FMNL2: variants seen among roughly 807,000 people sequenced by gnomAD.
FMNL2 encodes formin-like protein 2.
In FMNL2, 51 loss-of-function variants were observed where a neutral mutation model predicts 130.2. The ratio of observed to expected loss-of-function variants is 0.39; its 90% confidence interval spans 0.31 to 0.49. The LOEUF (loss-of-function observed/expected upper bound fraction) is 0.49, where lower values mean the gene tolerates loss of function less well. FMNL2 is among the 20% of genes least tolerant of loss of function. The probability of loss-of-function intolerance (pLI) is 0.85; values close to 1 mark genes in which losing one functional copy is unlikely to be tolerated. For missense variants in FMNL2, 977 were observed against 1,316.2 expected (o/e 0.74, Z 3.99); for synonymous variants, 465 against 467.1 (o/e 1.00, Z 0.06).
At chr2:152,574,291 C>T (rs890672932) in intron 6 of FMNL2, among the ~76,000 whole-genome samples, 10 of 151,580 alleles carry the variant, frequency 6.6e-5, no homozygotes, top group South Asian at 2.1e-4. Context: ...CAAAAATTAG[C>T]GGGGCATGGT....
intron 1 of FMNL2, among the ~76,000 whole-genome samples, chr2:152,383,010 G>A (rs1034441974): frequency 3.3e-5 from 5 of 152,144 alleles, no homozygotes; most frequent in African/African-American, 7.2e-5. Flanking sequence ...CAAACCTACT[G>A]TGCTGCAAAT....
At chr2:152,607,016 T>TG (rs60685654) in intron 9 of FMNL2, among the ~76,000 whole-genome samples, 34,830 of 141,050 alleles carry the variant, frequency 0.25, 3,375 homozygotes, top group East Asian at 0.49. Context: ...GTTTTTTTTT[T>TG]TTTTTTTTAC....
intron 6 of FMNL2, among the ~76,000 whole-genome samples, chr2:152,572,684 AGGGAGCCG>A (rs1454724017): frequency 6.6e-6 from 1 of 152,270 alleles, no homozygotes; most frequent in Non-Finnish European, 1.5e-5. Flanking sequence ...CTGAGGCTGC[AGGGAGCCG>A]TGATCATGGT....
chr2:152,419,623 A>G (rs954299177), intron 1 of FMNL2, among the ~76,000 whole-genome samples: 5 of 152,126 alleles, frequency 3.3e-5, no homozygotes, highest in Non-Finnish European at 5.9e-5. Context: ...TAAAATGACT[A>G]ATTTTAATAG....
intron 1 of FMNL2, among the ~76,000 whole-genome samples, chr2:152,428,596 C>G (rs148700360): frequency 1.3e-5 from 2 of 152,188 alleles, no homozygotes; most frequent in African/African-American, 4.8e-5. Context: ...TTTTTAAGGA[C>G]TCTCTTTTAA....
At chr2:152,629,593 CA>C in intron 18 of FMNL2, 62 bp from the exon 19 acceptor site, 1 of 1,443,514 alleles carries the variant, frequency 6.9e-7, no homozygotes. Flanking sequence ...ATTTACTTGC[CA>C]ATTAGTTTCC....
chr2:152,369,222 C>T (rs1239906377), intron 1 of FMNL2, among the ~76,000 whole-genome samples: 1 of 152,236 alleles, frequency 6.6e-6, no homozygotes, highest in African/African-American at 2.4e-5. Context: ...GCTGTATCAT[C>T]TTGTCACAGC....
chr2:152,633,099 C>CTTT (rs767574977), intron 21 of FMNL2, among the ~76,000 whole-genome samples: 20 of 140,806 alleles, frequency 1.4e-4, no homozygotes, highest in Non-Finnish European at 2.0e-4. Flanking sequence ...CTGTGCTCTT[C>CTTT]TTTTTTTTTT....
At chr2:152,441,268 A>G (rs1688032278) in intron 1 of FMNL2, among the ~76,000 whole-genome samples, 1 of 152,230 alleles carries the variant, frequency 6.6e-6, no homozygotes, top group Admixed American at 6.5e-5. Context: ...TGATACTCAC[A>G]AGCACACCCA....
chr2:152,550,711 A>G (rs1461435152), intron 4 of FMNL2, among the ~76,000 whole-genome samples: 1 of 152,246 alleles, frequency 6.6e-6, no homozygotes, highest in Non-Finnish European at 1.5e-5. Flanking sequence ...TAGACTCAGC[A>G]CATTTAAATA....
chr2:152,564,549 C>G (rs1017138768), intron 6 of FMNL2, among the ~76,000 whole-genome samples: 5 of 152,088 alleles, frequency 3.3e-5, no homozygotes, highest in African/African-American at 1.2e-4. Context: ...TGGTGAAACT[C>G]TGTCTCTACT....
At chr2:152,546,946 CTTTTTT>C (rs34129916) in intron 3 of FMNL2, among the ~76,000 whole-genome samples, 55 of 135,788 alleles carry the variant, frequency 4.1e-4, no homozygotes, top group African/African-American at 1.5e-3. Context: ...TGCCCCCATT[CTTTTTT>C]TTTTTTTTTT....
intron 14 of FMNL2, 97 bp from the exon 15 acceptor site, chr2:152,619,412 G>T: frequency 6.6e-7 from 1 of 1,518,910 alleles, no homozygotes. Flanking sequence ...GTCCTTTTAA[G>T]TGTGTTGTTT....
chr2:152,647,738 G>C lies in FMNL2; in HGVS notation c.3170-58G>C. ...TTGGCTGCCAGCTGGCCTTTGTCCT[G>C]CTTAGACACATGCTATTAAAGGTTG... On this transcript the variant is annotated intron_variant, in intron 25 of 25. Coordinates refer to ENST00000288670, the MANE Select transcript of FMNL2 (RefSeq NM_052905.4). 5 of 1,555,610 alleles carry C rather than the reference G, an allele frequency of 3.2e-6. No individual in the cohort carries two copies. In the South Asian group the frequency reaches 5.6e-5, roughly 17 times the overall value.
intron 13 of FMNL2, among the ~76,000 whole-genome samples, chr2:152,618,153 AAGGAACC>A (rs1391103788): frequency 2.6e-5 from 4 of 152,198 alleles, no homozygotes; most frequent in Non-Finnish European, 4.4e-5. Flanking sequence ...CCCCTTATAA[AAGGAACC>A]AGGACAGTCT....
intron 1 of FMNL2, among the ~76,000 whole-genome samples, chr2:152,450,542 A>C (rs994787121): frequency 1.3e-5 from 2 of 152,226 alleles, no homozygotes; most frequent in African/African-American, 4.8e-5. Flanking sequence ...AAAACCATTC[A>C]TTCTCCTAAA....
rs747774633 is a variant in FMNL2, at chr2:152,640,009, G to A, written c.2998G>A (p.Glu1000Lys). 7.7e-6 allele frequency: 12 copies of A among 1,558,294 alleles called. No individual in the cohort carries two copies. In the Admixed American group the frequency reaches 2.3e-4, roughly 30 times the overall value. Reference sequence around the variant, plus strand: ...GAAAAAGCAGGAACAAGCTCTCATGGAAAAACTCCTAGAGCAAGAAGCTCT... The same window carrying A: ...GAAAAAGCAGGAACAAGCTCTCATGAAAAAACTCCTAGAGCAAGAAGCTCT... ...LRKKQEQALM[E>K]KLLEQEALME... Residue 1000 changes from glutamate (E) to lysine (K), a missense_variant, in exon 24 of 26, where the codon GAA (glutamate) becomes AAA (lysine). Physicochemically the swap from Glu to Lys is moderately conservative, Grantham distance 56. Around this residue, in one of 4 missense-constraint regions of FMNL2, gnomAD observed 168 missense variants for 168.8 expected, o/e 1.00. Coordinates refer to ENST00000288670, the MANE Select transcript of FMNL2 (RefSeq NM_052905.4).
intron 1 of FMNL2, among the ~76,000 whole-genome samples, chr2:152,363,600 C>G: frequency 6.6e-6 from 1 of 151,784 alleles, no homozygotes; most frequent in Non-Finnish European, 1.5e-5. Context: ...CTCGCTCTGT[C>G]GCCCAGGCTG....
intron 1 of FMNL2, among the ~76,000 whole-genome samples, chr2:152,375,896 T>TATATATATAC (rs1553871971): frequency 2.1e-5 from 3 of 143,670 alleles, no homozygotes; most frequent in South Asian, 2.3e-4. Flanking sequence ...TATATATATA[T>TATATATATAC]AATTATTATT....
Sources: allele counts gnomAD v4.1 joint callset (sites outside exome capture counted in the v4.1 genomes callset), GRCh38; gene constraint gnomAD v4.1.1; regional missense constraint gnomAD v4.1.1; transcripts MANE v1.5; gene names NCBI Gene and HGNC (gene_info 2026-07-23, HGNC 2026-07-21).